Variants in PLAGL1 observed in about 807,000 individuals in gnomAD.
PLAGL1 encodes zinc finger protein PLAGL1.
A neutral mutation model predicts 4.6 loss-of-function variants in PLAGL1; 1 was observed. The observed-to-expected ratio is 0.22, with a 90% CI of 0.08 to 1.03. The LOEUF (loss-of-function observed/expected upper bound fraction) is 1.03. PLAGL1 is among the 50% of genes least tolerant of loss of function. The probability of loss-of-function intolerance (pLI) is 0.58; values close to 1 mark genes in which losing one functional copy is unlikely to be tolerated. For missense variants in PLAGL1, 464 were observed against 570.4 expected (o/e 0.81, Z 1.90); for synonymous variants, 240 against 237.8 (o/e 1.01, Z -0.08).
At position 143,985,920 on chromosome 6, in the gene PLAGL1, TA is replaced by T. The variant is rs1562498584; in HGVS notation, c.-583-747del. On this transcript the variant is annotated intron_variant, in intron 1 of 7. Coordinates refer to ENST00000674357, the MANE Select transcript of PLAGL1 (RefSeq NM_001317162.2). This position sits in a 1 kb window ranked among gnomAD's most constrained non-coding sequence, Gnocchi z 4.4. ...TTATGTGTGTGTGTGTGTGTGTGTA[TA>T]CACACACATATATATAAAAGATATA... 1.5e-3 allele frequency among the ~76,000 whole-genome samples: 211 copies of T among 145,102 alleles called. No homozygotes were observed. Among genetic ancestry groups the T allele is most frequent in the African/African-American group, 5.0e-3 (197 of 39,586 alleles).
intron 1 of PLAGL1, among the ~76,000 whole-genome samples, chr6:144,060,002 C>A (rs1290005220): frequency 2.0e-5 from 3 of 152,192 alleles, no homozygotes; most frequent in Non-Finnish European, 2.9e-5. Context: ...GAAGCTTTCT[C>A]AAATTTTATG....
At position 144,050,761 on chromosome 6, in the gene PLAGL1, G is replaced by A. The variant is rs1798521693; in HGVS notation, c.-151+13707C>T. On this transcript the variant is annotated intron_variant, in intron 1 of 3. Transcript: ENST00000437412. The surrounding 1 kb of genome is among the most constrained non-coding windows in gnomAD (Gnocchi z 4.3). ...TTTTTTTTTAAGTAAATCAGGTGTG[G>A]TGGCACATGCCTGTTGTCCCAGCTA... is the stretch of plus-strand genomic sequence containing the variant. 6.6e-6 allele frequency among the ~76,000 whole-genome samples: 1 copy of A among 152,072 alleles called. No homozygotes were observed. Among genetic ancestry groups the A allele is most frequent in the Non-Finnish European group, 1.5e-5 (1 of 68,014 alleles).
At chr6:144,017,989 C>CA (rs1026091435) in intron 1 of PLAGL1, among the ~76,000 whole-genome samples, 2 of 152,182 alleles carry the variant, frequency 1.3e-5, no homozygotes, top group African/African-American at 2.4e-5. Context: ...CACCACTGTC[C>CA]AGATCTTGAC....
chr6:143,973,676 T>G lies in PLAGL1; in HGVS notation c.-543-4698A>C, dbSNP rs956556298. Reference sequence around the variant, plus strand: ...GGAAACTTTATTCTCAATCGAATGGTTCGTTCTAATAGCCAGAGGAAGATG... The same window carrying G: ...GGAAACTTTATTCTCAATCGAATGGGTCGTTCTAATAGCCAGAGGAAGATG... On this transcript the variant is annotated intron_variant, in intron 2 of 7. Transcript: ENST00000674357. This position sits in a 1 kb window ranked among gnomAD's most constrained non-coding sequence, Gnocchi z 6.2. 2.1e-4 allele frequency among the ~76,000 whole-genome samples: 32 copies of G among 152,246 alleles called. No homozygotes were observed. The highest frequency in any genetic ancestry group is 2.1e-4 in the Non-Finnish European group (14 of 68,042).
At chr6:144,030,367 G>T (rs556142721) in intron 1 of PLAGL1, among the ~76,000 whole-genome samples, 1 of 150,612 alleles carries the variant, frequency 6.6e-6, no homozygotes, top group Admixed American at 6.6e-5. Flanking sequence ...ATTTCAATAG[G>T]TTTTTGGGGA....
In PLAGL1 at chr6:143,945,498, A is replaced by G. The variant is rs1231151006; in HGVS notation, c.152+2487T>C. The stretch of plus-strand genomic sequence containing the variant: ...GTTGCCTCATCATCCTTTTTTTGAG[A>G]TGCAGTCCCACCCTGTCACCAGGCT... On this transcript the variant is annotated intron_variant, in intron 7 of 7. Coordinates refer to ENST00000674357, the MANE Select transcript of PLAGL1 (RefSeq NM_001317162.2). This position sits in a 1 kb window ranked among gnomAD's most constrained non-coding sequence, Gnocchi z 4.2. Among the ~76,000 whole-genome samples the G allele has an allele frequency of 3.9e-5, 6 of 151,976 alleles. No individual in the cohort carries two copies. Among genetic ancestry groups the G allele is most frequent in the Non-Finnish European group, 7.4e-5 (5 of 67,970 alleles).
At chr6:144,003,132 C>G (rs1793277445) in intron 1 of PLAGL1, among the ~76,000 whole-genome samples, 1 of 151,944 alleles carries the variant, frequency 6.6e-6, no homozygotes, top group African/African-American at 2.4e-5. Flanking sequence ...CATTTATTAA[C>G]AAAGTCCCCA....
rs896324171 is a variant in PLAGL1 at position 143,973,342 on chromosome 6, C to T, written c.-543-4364G>A. Among the ~76,000 whole-genome samples, 8 of 152,198 alleles carry T rather than the reference C, an allele frequency of 5.3e-5. No homozygotes were observed. The highest frequency in any genetic ancestry group is 1.7e-4 in the African/African-American group (7 of 41,462). ...AAGGAGAGGGCTCAGCAGACCACCTCATGGTTTAATTCAAATTCATCCGTT... is the reference window on the plus strand; with the variant it reads ...AAGGAGAGGGCTCAGCAGACCACCTTATGGTTTAATTCAAATTCATCCGTT... On this transcript the variant is annotated intron_variant, in intron 2 of 7. Transcript: ENST00000674357. The surrounding 1 kb of genome is among the most constrained non-coding windows in gnomAD (Gnocchi z 6.2).
At chr6:144,045,979 A>G (rs940333925) in intron 1 of PLAGL1, among the ~76,000 whole-genome samples, 1 of 152,128 alleles carries the variant, frequency 6.6e-6, no homozygotes. Context: ...TGAATTGGCT[A>G]CTGAAGCTTG....
Position 143,940,457 on chromosome 6 carries a change from C to T in PLAGL1, c.*967G>A, listed in dbSNP as rs1046909184. 2.0e-5 allele frequency: 3 copies of T among 152,132 alleles called. No homozygotes were observed. The highest frequency in any genetic ancestry group is 6.6e-5 in the Admixed American group (1 of 15,264). The allele number at this position is 152,132 out of a possible 1,614,324, so 9.4% of individuals were successfully genotyped here. ...AAGAGATTATAGTTACATTGTAAAACGTAATCTTCTTTTAATAAAAGCTAA... is the reference window on the plus strand; with the variant it reads ...AAGAGATTATAGTTACATTGTAAAATGTAATCTTCTTTTAATAAAAGCTAA... On this transcript the variant is annotated 3_prime_UTR_variant, in exon 8 of 8. Transcript: ENST00000674357.
At chr6:144,058,786 C>T (rs1799176664) in intron 1 of PLAGL1, among the ~76,000 whole-genome samples, 1 of 152,200 alleles carries the variant, frequency 6.6e-6, no homozygotes, top group Admixed American at 6.5e-5. Flanking sequence ...ATCCAGGACA[C>T]ATGGGTACAA....
chr6:144,006,283 A>C lies in PLAGL1; in HGVS notation c.-584+1807T>G, dbSNP rs1022081795. 6.6e-6 allele frequency: 1 copy of C among 152,242 alleles called. No individual in the cohort carries two copies. The highest frequency in any genetic ancestry group is 6.5e-5 in the Admixed American group (1 of 15,298). The allele number at this position is 152,242 out of a possible 1,614,324, so 9.4% of individuals were successfully genotyped here. ...CTAGACTCAGGCTTCTTCAGTTTGC[A>C]ACACCCATATTTTAACATATTTGGG... On this transcript the variant is annotated intron_variant, in intron 1 of 7. Coordinates refer to ENST00000674357, the MANE Select transcript of PLAGL1 (RefSeq NM_001317162.2). The surrounding 1 kb of genome is among the most constrained non-coding windows in gnomAD (Gnocchi z 4.3).
rs1292498865 is a variant in PLAGL1, at chr6:143,989,167, G to A, written c.-583-3993C>T. On this transcript the variant is annotated intron_variant, in intron 1 of 7. Coordinates refer to ENST00000674357, the MANE Select transcript of PLAGL1 (RefSeq NM_001317162.2). This position sits in a 1 kb window ranked among gnomAD's most constrained non-coding sequence, Gnocchi z 4.8. ...GATAGGCAGCTCAGTGTGTCTGGGG[G>A]TGCCCCAGGGGACATTAAAAACGCA... 6.6e-6 allele frequency among the ~76,000 whole-genome samples: 1 copy of A among 152,194 alleles called. No individual in the cohort carries two copies. Among genetic ancestry groups the A allele is most frequent in the Non-Finnish European group, 1.5e-5 (1 of 68,034 alleles).
At chr6:143,986,159 C>T (rs1789107578) in intron 1 of PLAGL1, among the ~76,000 whole-genome samples, 1 of 151,578 alleles carries the variant, frequency 6.6e-6, no homozygotes, top group Admixed American at 6.6e-5. Flanking sequence ...AGACTCTGGG[C>T]ACCCAGACTC....
rs1788189288 is a variant in PLAGL1, at chr6:143,982,566, G to C, written c.-544+2569C>G. Among the ~76,000 whole-genome samples the C allele has an allele frequency of 1.3e-5, 2 of 152,154 alleles. No homozygotes were observed. Among genetic ancestry groups the C allele is most frequent in the Admixed American group, 6.5e-5 (1 of 15,272 alleles). On this transcript the variant is annotated intron_variant, in intron 2 of 7. Transcript: ENST00000674357. The surrounding 1 kb of genome is among the most constrained non-coding windows in gnomAD (Gnocchi z 5.3). ...TGTGTGGAGAGTGAATTCTAGGGGAGAAAGTATGAAACCAGGGAGACCAGT... is the reference window on the plus strand; with the variant it reads ...TGTGTGGAGAGTGAATTCTAGGGGACAAAGTATGAAACCAGGGAGACCAGT...
intron 1 of PLAGL1, among the ~76,000 whole-genome samples, chr6:144,057,563 T>C (rs542279458): frequency 6.6e-6 from 1 of 152,162 alleles, no homozygotes; most frequent in South Asian, 2.1e-4. Flanking sequence ...CATTTCCCAA[T>C]GTACTCGAAA....
chr6:144,019,791 A>AG (rs1795842371), intron 1 of PLAGL1, among the ~76,000 whole-genome samples: 1 of 504 alleles, frequency 2.0e-3, no homozygotes, highest in African/African-American at 2.2e-3. Flanking sequence ...AAAGTTACTT[A>AG]AAAAAAAAAA....
rs1447194941 is a variant in PLAGL1 at position 143,950,947 on chromosome 6, ACT to A, written c.-324-2489_-324-2488del. On this transcript the variant is annotated intron_variant, in intron 6 of 7. Transcript: ENST00000674357. This position sits in a 1 kb window ranked among gnomAD's most constrained non-coding sequence, Gnocchi z 6.3. ...CTGCTGTCCTGGACGGCACAGGCAG[ACT>A]CTTGGTATTCCCATCAAAGGAGAGG... Among the ~76,000 whole-genome samples the A allele has an allele frequency of 2.0e-5, 3 of 152,062 alleles. No individual in the cohort carries two copies. Among genetic ancestry groups the A allele is most frequent in the Admixed American group, 6.5e-5 (1 of 15,268 alleles).
rs1336605170 is a variant in PLAGL1, at chr6:143,958,685, A to G, written c.-325+1784T>C. ...AATTTGAGAAATAAAAATATTTATC[A>G]CTGGTCCTTTAAGATTATCCTGATT... On this transcript the variant is annotated intron_variant, in intron 6 of 7. Transcript: ENST00000674357. This position sits in a 1 kb window ranked among gnomAD's most constrained non-coding sequence, Gnocchi z 5.1. 1.3e-5 allele frequency among the ~76,000 whole-genome samples: 2 copies of G among 152,250 alleles called. No individual in the cohort carries two copies. The highest frequency in any genetic ancestry group is 2.9e-5 in the Non-Finnish European group (2 of 68,042).
Sources: allele counts gnomAD v4.1 joint callset (sites outside exome capture counted in the v4.1 genomes callset), GRCh38; gene constraint gnomAD v4.1.1; non-coding constraint Gnocchi (gnomAD v3.1); transcripts MANE v1.5; gene names NCBI Gene and HGNC (gene_info 2026-07-23, HGNC 2026-07-21).